The following TRAPPC9 variants were observed in gnomAD, a reference collection of about 807,000 sequenced individuals.
The protein encoded by TRAPPC9 is trafficking protein particle complex subunit 9.
TRAPPC9 carries 83 observed loss-of-function variants against 124.0 expected under a neutral mutation model. The observed-to-expected ratio is 0.67, with a 90% CI of 0.56 to 0.80. The LOEUF is 0.80. Among genes scored for constraint, TRAPPC9 ranks in the 30% least tolerant of loss-of-function variants. TRAPPC9 has a pLI of 0.00. For missense variants in TRAPPC9, 1,302 were observed against 1,508.3 expected (o/e 0.86, Z 2.27); for synonymous variants, 638 against 617.5 (o/e 1.03, Z -0.49).
chr8:139,843,496 C>A (rs904144292), intron 21 of TRAPPC9, among the ~76,000 whole-genome samples: 1 of 152,226 alleles, frequency 6.6e-6, no homozygotes, highest in Non-Finnish European at 1.5e-5. Context: ...CCCACGGAAC[C>A]GGTGGACTGG....
At chr8:140,050,818 G>A (rs1391879848) in intron 17 of TRAPPC9, among the ~76,000 whole-genome samples, 5 of 152,136 alleles carry the variant, frequency 3.3e-5, no homozygotes, top group African/African-American at 7.2e-5. Context: ...GGAAACAATG[G>A]CATCCAGCTT....
At chr8:140,101,273 G>A (rs2060573186) in intron 17 of TRAPPC9, among the ~76,000 whole-genome samples, 1 of 151,982 alleles carries the variant, frequency 6.6e-6, no homozygotes, top group East Asian at 1.9e-4. Flanking sequence ...CCAAGTAGCT[G>A]AAACTACAGG....
At chr8:140,452,860 G>C (rs965302662) in intron 1 of TRAPPC9, among the ~76,000 whole-genome samples, 1 of 152,194 alleles carries the variant, frequency 6.6e-6, no homozygotes, top group Admixed American at 6.5e-5. Context: ...CGATCTGGGT[G>C]ACCTGGAGCA....
chr8:139,805,295 C>T (rs1396429992), intron 21 of TRAPPC9, among the ~76,000 whole-genome samples: 1 of 152,196 alleles, frequency 6.6e-6, no homozygotes, highest in Admixed American at 6.5e-5. Flanking sequence ...GCCTGGAAGT[C>T]TGAAAACTCC....
intron 21 of TRAPPC9, among the ~76,000 whole-genome samples, chr8:139,792,533 T>G (rs541679968): frequency 6.6e-6 from 1 of 152,242 alleles, no homozygotes; most frequent in African/African-American, 2.4e-5. Flanking sequence ...AAGCAGCAAC[T>G]TGGTGGCAGA....
At chr8:140,386,050 G>A (rs145999604) in intron 7 of TRAPPC9, among the ~76,000 whole-genome samples, 1 of 152,154 alleles carries the variant, frequency 6.6e-6, no homozygotes, top group East Asian at 1.9e-4. Context: ...CATATAAACA[G>A]AACCAAAGAC....
chr8:139,967,297 G>A (rs982869101), intron 19 of TRAPPC9, among the ~76,000 whole-genome samples: 20 of 152,090 alleles, frequency 1.3e-4, no homozygotes, highest in East Asian at 5.8e-4. Flanking sequence ...AAAGCAGACC[G>A]CAGCAGAGCC....
intron 19 of TRAPPC9, among the ~76,000 whole-genome samples, chr8:139,983,826 G>A (rs1837069594): frequency 6.6e-6 from 1 of 152,132 alleles, no homozygotes; most frequent in South Asian, 2.1e-4. Context: ...TTGGTGTGTG[G>A]AGCAGCAGGG....
intron 17 of TRAPPC9, among the ~76,000 whole-genome samples, chr8:140,056,878 C>T (rs1842316245): frequency 6.6e-6 from 1 of 151,966 alleles, no homozygotes. Context: ...AAAAGGCAAC[C>T]TACAAAATGG....
chr8:139,882,594 T>G (rs1182024559), intron 21 of TRAPPC9, among the ~76,000 whole-genome samples: 1 of 152,200 alleles, frequency 6.6e-6, no homozygotes, highest in Non-Finnish European at 1.5e-5. Context: ...AGTATGCATC[T>G]GCGCAGGCCT....
At chr8:139,805,255 G>A (rs951726275) in intron 21 of TRAPPC9, among the ~76,000 whole-genome samples, 12 of 152,354 alleles carry the variant, frequency 7.9e-5, no homozygotes, top group African/African-American at 2.4e-4. Context: ...GGAATCTAGC[G>A]TGGCGTGAGG....
At chr8:139,934,189 C>T (rs1180776506) in intron 19 of TRAPPC9, among the ~76,000 whole-genome samples, 3 of 151,966 alleles carry the variant, frequency 2.0e-5, no homozygotes, top group African/African-American at 7.3e-5. Context: ...CTGTTTTAGG[C>T]AAATGTGGTT....
intron 17 of TRAPPC9, among the ~76,000 whole-genome samples, chr8:140,215,663 A>G (rs1185549300): frequency 6.7e-6 from 1 of 148,300 alleles, no homozygotes; most frequent in Non-Finnish European, 1.5e-5. Context: ...AAAAAAAAGG[A>G]AAAGACAAAG....
intron 19 of TRAPPC9, among the ~76,000 whole-genome samples, chr8:139,978,760 C>G (rs186389820): frequency 6.6e-6 from 1 of 152,228 alleles, no homozygotes; most frequent in Admixed American, 6.5e-5. Flanking sequence ...GGCACCTTCA[C>G]GGAAGTTGCC....
chr8:139,931,659 A>G (rs1320169300), intron 19 of TRAPPC9: 7 of 153,090 alleles, frequency 4.6e-5, no homozygotes, highest in Non-Finnish European at 8.7e-5. Context: ...CAGTCTGCAG[A>G]TCTACATCCT....
intron 2 of TRAPPC9, among the ~76,000 whole-genome samples, chr8:140,441,453 T>G (rs2071015246): frequency 6.6e-6 from 1 of 152,238 alleles, no homozygotes; most frequent in African/African-American, 2.4e-5. Flanking sequence ...TAATATATTT[T>G]AAATTAGACT....
chr8:140,005,369 C>A (rs1208577466), intron 18 of TRAPPC9, among the ~76,000 whole-genome samples: 4 of 152,184 alleles, frequency 2.6e-5, no homozygotes, highest in African/African-American at 9.7e-5. Flanking sequence ...AGGAACGCAG[C>A]ACACAGCACC....
At chr8:140,234,255 G>A (rs142829203) in intron 16 of TRAPPC9, among the ~76,000 whole-genome samples, 77 of 152,282 alleles carry the variant, frequency 5.1e-4, no homozygotes, top group Non-Finnish European at 4.9e-4. Flanking sequence ...ATCTGAGGTC[G>A]AACAACTTCA....
chr8:139,964,639 C>T (rs905467345), intron 19 of TRAPPC9, among the ~76,000 whole-genome samples: 8 of 152,100 alleles, frequency 5.3e-5, no homozygotes, highest in Non-Finnish European at 8.8e-5. Flanking sequence ...TATTTCTATA[C>T]AGAAAAATCA....
Sources: gnomAD v4.1 joint callset for allele counts (sites outside exome capture counted in the v4.1 genomes callset) on GRCh38, gnomAD v4.1.1 for gene constraint, MANE v1.5 for transcripts, NCBI Gene and HGNC (gene_info 2026-07-23, HGNC 2026-07-21) for gene names.